Variants in EIPR1 observed in about 807,000 individuals in gnomAD.
The protein encoded by EIPR1 is EARP and GARP complex-interacting protein 1.
Under a neutral mutation model 48.1 loss-of-function variants are expected in EIPR1, and 25 were observed. The observed-to-expected ratio is 0.52, with a 90% CI of 0.38 to 0.73. The LOEUF is 0.73. Ranked by LOEUF, EIPR1 falls within the 30% of genes least tolerant of loss-of-function variation. The pLI, the probability that EIPR1 is intolerant of heterozygous loss-of-function variation, is 0.00. For missense variants in EIPR1, 415 were observed against 506.2 expected (o/e 0.82, Z 1.73); for synonymous variants, 204 against 201.9 (o/e 1.01, Z -0.09).
chr2:3,290,687 G>A (rs1668338395), intron 3 of EIPR1, among the ~76,000 whole-genome samples: 1 of 152,160 alleles, frequency 6.6e-6, no homozygotes, highest in African/African-American at 2.4e-5. Context: ...GGCAGCAAGG[G>A]ACCACATTCT....
chr2:3,189,248 G>A lies in EIPR1; in HGVS notation c.*86C>T, dbSNP rs1191901424. 3.7e-6 allele frequency: 5 copies of A among 1,346,546 alleles called. No individual in the cohort carries two copies. Among genetic ancestry groups the A allele is most frequent in the Non-Finnish European group, 4.9e-6 (5 of 1,017,246 alleles). 83.4% of individuals were successfully genotyped at this position (1,346,546 alleles called of 1,614,324 possible). On this transcript the variant is annotated 3_prime_UTR_variant, in exon 9 of 9. Transcript: ENST00000382125. The surrounding 1 kb of genome is among the most constrained non-coding windows in gnomAD (Gnocchi z 4.6). ...CCAGAGAGGGATCCACCTGGAACAC[G>A]AGTCACCTCCAAAGAGCTGCGACTG...
At chr2:3,341,811 C>T (rs1333781462) in intron 2 of EIPR1, among the ~76,000 whole-genome samples, 3 of 151,990 alleles carry the variant, frequency 2.0e-5, no homozygotes, top group Non-Finnish European at 4.4e-5. Context: ...GATGCGTGCA[C>T]TTGGATGCAT....
intron 2 of EIPR1, among the ~76,000 whole-genome samples, chr2:3,348,309 CCT>C (rs1363207200): frequency 1.3e-5 from 2 of 152,148 alleles, no homozygotes; most frequent in Admixed American, 1.3e-4. Flanking sequence ...CAAAGCCGGT[CCT>C]CTCTGTCACC....
chr2:3,358,037 A>G (rs957831366), intron 1 of EIPR1, among the ~76,000 whole-genome samples: 15 of 152,270 alleles, frequency 9.9e-5, no homozygotes, highest in African/African-American at 2.6e-4. Flanking sequence ...GCAACAGGAA[A>G]CTAACCCTGC....
chr2:3,291,005 T>C (rs1388401878), intron 3 of EIPR1, among the ~76,000 whole-genome samples: 2 of 152,110 alleles, frequency 1.3e-5, no homozygotes, highest in East Asian at 1.9e-4. Context: ...AGTTTTCTGA[T>C]TAGGAAGTAA....
intron 4 of EIPR1, among the ~76,000 whole-genome samples, chr2:3,246,724 C>A (rs552105106): frequency 9.1e-5 from 13 of 143,600 alleles, no homozygotes; most frequent in African/African-American, 3.3e-4. Context: ...TCCTCCCTGC[C>A]GGGGTGGTAG....
Position 3,270,373 on chromosome 2 carries a change from A to G in EIPR1, c.260-12918T>C, listed in dbSNP as rs538904650. Among the ~76,000 whole-genome samples, 4 of 152,238 alleles carry G rather than the reference A, an allele frequency of 2.6e-5. No individual in the cohort carries two copies. In the South Asian group the frequency reaches 8.3e-4, roughly 32 times the overall value. ...TGTGCTCTGCGGGGTACCTCCTCCA[A>G]GCTCCAGGTTCATTACCTTTTCCTT... On this transcript the variant is annotated intron_variant, in intron 3 of 8. Coordinates refer to ENST00000382125, the MANE Select transcript of EIPR1 (RefSeq NM_003310.5).
intron 2 of EIPR1, among the ~76,000 whole-genome samples, chr2:3,341,855 G>T (rs373142099): frequency 6.6e-6 from 1 of 152,068 alleles, no homozygotes; most frequent in Non-Finnish European, 1.5e-5. Context: ...AGGCAGAAAC[G>T]CATTAGAATA....
intron 1 of EIPR1, among the ~76,000 whole-genome samples, chr2:3,362,424 TAAC>T (rs556799810): frequency 1.0e-3 from 158 of 152,324 alleles, no homozygotes; most frequent in Non-Finnish European, 2.0e-3. Flanking sequence ...AATTACATTT[TAAC>T]AACCTCTTAA....
chr2:3,365,278 T>A (rs4854183), intron 1 of EIPR1, among the ~76,000 whole-genome samples: 24,583 of 151,834 alleles, frequency 0.16, 2,224 homozygotes, highest in Non-Finnish European at 0.21. Context: ...ATCTCATTGA[T>A]TGATTAAGTG....
At chr2:3,268,764 C>A (rs548863986) in intron 3 of EIPR1, among the ~76,000 whole-genome samples, 2 of 152,328 alleles carry the variant, frequency 1.3e-5, no homozygotes, top group African/African-American at 4.8e-5. Flanking sequence ...GGGAAGTAAG[C>A]CGGCTCCCCT....
intron 4 of EIPR1, among the ~76,000 whole-genome samples, chr2:3,226,103 A>T (rs1666056610): frequency 6.6e-6 from 1 of 152,202 alleles, no homozygotes. Context: ...TTTGACATGG[A>T]GGTGCAGGGA....
At chr2:3,219,118 T>G (rs4854107) in intron 4 of EIPR1, among the ~76,000 whole-genome samples, 8 of 144,022 alleles carry the variant, frequency 5.6e-5, no homozygotes, top group African/African-American at 2.1e-4. Context: ...ACACCCAGCA[T>G]GGCCCTGGTA....
chr2:3,282,074 C>T (rs146923781), intron 3 of EIPR1, among the ~76,000 whole-genome samples: 95 of 152,308 alleles, frequency 6.2e-4, no homozygotes, highest in African/African-American at 2.1e-3. Flanking sequence ...TGATGAGAGC[C>T]AGTTGGTGCA....
chr2:3,253,814 G>A (rs934678098), intron 4 of EIPR1, among the ~76,000 whole-genome samples: 1 of 152,166 alleles, frequency 6.6e-6, no homozygotes, highest in Non-Finnish European at 1.5e-5. Flanking sequence ...ACACAGGAGG[G>A]GTGATGGAAA....
intron 4 of EIPR1, among the ~76,000 whole-genome samples, chr2:3,242,809 C>T (rs915168465): frequency 6.6e-6 from 1 of 152,184 alleles, no homozygotes; most frequent in Non-Finnish European, 1.5e-5. Context: ...GCTTACAAAT[C>T]GTTTACAACA....
At chr2:3,239,526 G>T (rs886426419) in intron 4 of EIPR1, among the ~76,000 whole-genome samples, 4 of 152,192 alleles carry the variant, frequency 2.6e-5, no homozygotes, top group Non-Finnish European at 5.9e-5. Flanking sequence ...TGGCCATCGT[G>T]CGTCTGCTCT....
At chr2:3,323,818 G>A (rs768830148) in intron 3 of EIPR1, among the ~76,000 whole-genome samples, 17 of 152,178 alleles carry the variant, frequency 1.1e-4, no homozygotes, top group Admixed American at 6.5e-4. Context: ...TTAGTATCAC[G>A]GGGCTAAATG....
intron 1 of EIPR1, among the ~76,000 whole-genome samples, chr2:3,370,530 G>C (rs1239019991): frequency 6.6e-6 from 1 of 152,174 alleles, no homozygotes; most frequent in Non-Finnish European, 1.5e-5. Context: ...AACCAATACA[G>C]AGAAGTGCTT....
Sources: gnomAD v4.1 joint callset for allele counts (sites outside exome capture counted in the v4.1 genomes callset) on GRCh38, gnomAD v4.1.1 for gene constraint, Gnocchi (gnomAD v3.1) non-coding constraint, MANE v1.5 for transcripts, NCBI Gene and HGNC (gene_info 2026-07-23, HGNC 2026-07-21) for gene names.